Variants in TENM4 observed in about 807,000 individuals in gnomAD.
The protein encoded by TENM4 is teneurin-4.
A neutral mutation model predicts 243.3 loss-of-function variants in TENM4; 82 were observed. The ratio of observed to expected loss-of-function variants is 0.34; its 90% CI spans 0.28 to 0.40. The LOEUF is 0.40. TENM4 is among the 10% of genes least tolerant of loss of function. The probability of loss-of-function intolerance (pLI) is 1.00; values close to 1 mark genes in which losing one functional copy is unlikely to be tolerated. For synonymous variants in TENM4, 1,412 were observed against 1,456.3 expected, an observed-to-expected ratio of 0.97 and a Z score of 0.69; for missense variants, 3,138 against 3,673.3, an observed-to-expected ratio of 0.85 and a Z score of 3.77.
At chr11:79,206,967 G>C (rs1863861106) in intron 3 of TENM4, among the ~76,000 whole-genome samples, 2 of 152,092 alleles carry the variant, frequency 1.3e-5, no homozygotes, top group Non-Finnish European at 2.9e-5. Context: ...ACATTTACTG[G>C]GGGCCTTCGT....
intron 4 of TENM4, among the ~76,000 whole-genome samples, chr11:79,147,459 G>C (rs192754634): frequency 9.9e-4 from 150 of 152,086 alleles, no homozygotes; most frequent in Middle Eastern, 6.8e-3. Flanking sequence ...ATCCTTGTCT[G>C]ACTCTGAGAA....
At chr11:79,399,684 C>CA (rs377067376) in intron 1 of TENM4, among the ~76,000 whole-genome samples, 157 of 150,002 alleles carry the variant, frequency 1.0e-3, no homozygotes, top group Middle Eastern at 3.4e-3. Context: ...ACATTCACAT[C>CA]AAAAAAAAAG....
At chr11:79,188,430 C>T (rs558692308) in intron 3 of TENM4, among the ~76,000 whole-genome samples, 1 of 152,050 alleles carries the variant, frequency 6.6e-6, no homozygotes, top group East Asian at 1.9e-4. Flanking sequence ...TTCATAGACC[C>T]CAGCTTATGA....
At chr11:79,182,391 T>A (rs1327224395) in intron 3 of TENM4, among the ~76,000 whole-genome samples, 1 of 152,016 alleles carries the variant, frequency 6.6e-6, no homozygotes, top group Non-Finnish European at 1.5e-5. Context: ...CATCCAAATA[T>A]CAAAAAATTT....
chr11:79,027,959 C>T (rs900547447), intron 6 of TENM4, among the ~76,000 whole-genome samples: 3 of 152,102 alleles, frequency 2.0e-5, no homozygotes, highest in African/African-American at 2.4e-5. Context: ...GGTTCACTCA[C>T]AGGAAGGTCA....
At chr11:78,856,821 A>G (rs1325270714) in intron 10 of TENM4, among the ~76,000 whole-genome samples, 1 of 152,158 alleles carries the variant, frequency 6.6e-6, no homozygotes. Context: ...GGATGAGGGT[A>G]AATATAATAT....
At chr11:78,684,322 A>G (rs1858602457) in intron 29 of TENM4, among the ~76,000 whole-genome samples, 1 of 152,252 alleles carries the variant, frequency 6.6e-6, no homozygotes, top group East Asian at 1.9e-4. Flanking sequence ...TCAGTACACT[A>G]GGACAATAAT....
intron 31 of TENM4, among the ~76,000 whole-genome samples, 154 bp from the exon 32 acceptor site, chr11:78,670,705 A>G (rs1858301482): frequency 2.0e-5 from 3 of 152,176 alleles, no homozygotes; most frequent in Admixed American, 6.5e-5. Flanking sequence ...GAGCTCTCCA[A>G]CAGGAGTGTC....
Position 79,064,732 on chromosome 11 carries a change from A to G in TENM4, c.493+6T>C. 1 of 1,551,606 alleles carries G rather than the reference A, an allele frequency of 6.4e-7. No homozygotes were observed. Among genetic ancestry groups the G allele is most frequent in the Non-Finnish European group, 8.7e-7 (1 of 1,146,964 alleles). ...GCACCCGGCACAGACCAAACCAGCCACTCACCAGTCTCAGTGTTTTCATGC... is the reference window on the plus strand; with the variant it reads ...GCACCCGGCACAGACCAAACCAGCCGCTCACCAGTCTCAGTGTTTTCATGC... On this transcript the variant is annotated splice_donor_region_variant and intron_variant, in intron 6 of 33. Coordinates refer to ENST00000278550, the MANE Select transcript of TENM4 (RefSeq NM_001098816.3).
chr11:78,889,822 G>A lies in TENM4; in HGVS notation c.1047C>T (p.Ile349=). Residue 349 remains isoleucine (I), a synonymous_variant, in exon 9 of 34, where the codon ATC becomes ATT. Coordinates refer to ENST00000278550, the MANE Select transcript of TENM4 (RefSeq NM_001098816.3). ...WKCAALSAIV[I]SATLVILLAY... ...CCAGCAGGATGACCAGAGTGGCTGA[G>A]ATGACGATGGCGCTCAGGGCTGCGC... 1 of 1,551,936 alleles carries A rather than the reference G, an allele frequency of 6.4e-7. No individual in the cohort carries two copies. Among genetic ancestry groups the A allele is most frequent in the Non-Finnish European group, 8.7e-7 (1 of 1,147,046 alleles).
intron 10 of TENM4, among the ~76,000 whole-genome samples, chr11:78,856,571 G>T (rs1858686232): frequency 6.6e-6 from 1 of 152,110 alleles, no homozygotes. Flanking sequence ...TAGAAAGGAT[G>T]GGGGAACAAA....
intron 1 of TENM4, among the ~76,000 whole-genome samples, chr11:79,340,302 C>A (rs1038554174): frequency 6.6e-6 from 1 of 152,116 alleles, no homozygotes; most frequent in Non-Finnish European, 1.5e-5. Flanking sequence ...GTCTTGGGAG[C>A]CCAGCCCAGG....
At chr11:78,986,191 T>C (rs1565155529) in intron 6 of TENM4, among the ~76,000 whole-genome samples, 1 of 152,194 alleles carries the variant, frequency 6.6e-6, no homozygotes, top group Admixed American at 6.5e-5. Context: ...GGGTGTTGGC[T>C]GAAGGAGTGA....
chr11:79,213,430 T>C (rs774918991), intron 3 of TENM4, among the ~76,000 whole-genome samples: 2 of 152,166 alleles, frequency 1.3e-5, no homozygotes, highest in African/African-American at 4.8e-5. Context: ...TCTAGTAATA[T>C]ACACACCAGG....
At chr11:79,048,181 T>C (rs76618812) in intron 6 of TENM4, among the ~76,000 whole-genome samples, 4,962 of 152,242 alleles carry the variant, frequency 0.033, 242 homozygotes, top group African/African-American at 0.11. Context: ...CAGTTTCACA[T>C]ACCAACCTCA....
intron 6 of TENM4, among the ~76,000 whole-genome samples, chr11:78,918,417 T>G (rs558582822): frequency 6.6e-6 from 1 of 151,162 alleles, no homozygotes; most frequent in Non-Finnish European, 1.5e-5. Flanking sequence ...CTGTGGAATA[T>G]TTTATTTTTC....
chr11:79,422,233 C>T (rs1044685641), intron 1 of TENM4: 3 of 131,490 alleles, frequency 2.3e-5, no homozygotes, highest in African/African-American at 8.3e-5. Context: ...CATATTAAAT[C>T]ACCCACATGG....
At chr11:78,907,551 A>C (rs1389226157) in intron 6 of TENM4, among the ~76,000 whole-genome samples, 1 of 152,120 alleles carries the variant, frequency 6.6e-6, no homozygotes, top group Non-Finnish European at 1.5e-5. Flanking sequence ...TGTGTGTGTG[A>C]AAGGGCACAC....
chr11:79,082,729 T>G (rs1860706958), intron 4 of TENM4, among the ~76,000 whole-genome samples: 1 of 152,144 alleles, frequency 6.6e-6, no homozygotes, highest in Admixed American at 6.5e-5. Flanking sequence ...TAAAGGCATC[T>G]TGGAAAGGAA....
Sources: gnomAD v4.1 joint callset for allele counts (sites outside exome capture counted in the v4.1 genomes callset) on GRCh38, gnomAD v4.1.1 for gene constraint, MANE v1.5 for transcripts, NCBI Gene and HGNC (gene_info 2026-07-23, HGNC 2026-07-21) for gene names.